Variants in DACH2 observed in about 807,000 individuals in gnomAD.
DACH2 encodes the protein dachshund homolog 2.
Under a neutral mutation model 35.8 loss-of-function variants are expected in DACH2, and 17 were observed. The ratio of observed to expected loss-of-function variants is 0.48; its 90% CI spans 0.33 to 0.71. The LOEUF (loss-of-function observed/expected upper bound fraction) is 0.71. Among genes scored for constraint, DACH2 ranks in the 30% least tolerant of loss-of-function variants. The pLI is 0.02. For synonymous variants in DACH2, 195 were observed against 177.3 expected (o/e 1.10, Z -0.79); for missense variants, 469 against 472.7 (o/e 0.99, Z 0.07).
intron 2 of DACH2, among the ~76,000 whole-genome samples, chrX:86,493,438 CT>C (rs1360063522): frequency 9.0e-6 from 1 of 111,398 alleles, no homozygotes; most frequent in Non-Finnish European, 1.9e-5. Context: ...ATTCAGTAAA[CT>C]ATACCAATTT....
intron 6 of DACH2, among the ~76,000 whole-genome samples, chrX:86,735,447 G>T (rs1343055675): frequency 9.0e-6 from 1 of 111,445 alleles, no homozygotes; most frequent in Non-Finnish European, 1.9e-5. Flanking sequence ...GATAAAATGG[G>T]CAACATTTTT....
chrX:86,632,526 A>ACACACG, intron 3 of DACH2, among the ~76,000 whole-genome samples: 1 of 107,132 alleles, frequency 9.3e-6, no homozygotes, highest in East Asian at 3.1e-4. Flanking sequence ...ACACACACAC[A>ACACACG]CGGGTTATTT....
chrX:86,258,534 T>C (rs946789064), intron 1 of DACH2, among the ~76,000 whole-genome samples: 4 of 111,719 alleles, frequency 3.6e-5, no homozygotes, highest in Admixed American at 1.9e-4. Context: ...TTATTATCTA[T>C]TGTATTTTCA....
chrX:86,155,021 T>G (rs2030495740), intron 1 of DACH2, among the ~76,000 whole-genome samples: 1 of 111,282 alleles, frequency 9.0e-6, no homozygotes, highest in Admixed American at 9.6e-5. Context: ...AGCCTAAATA[T>G]AGTGTAGCTG....
intron 3 of DACH2, among the ~76,000 whole-genome samples, chrX:86,644,436 G>A (rs1323611339): frequency 9.1e-6 from 1 of 109,452 alleles, no homozygotes; most frequent in Non-Finnish European, 1.9e-5. Context: ...ACAAATGGAT[G>A]GAAAAACATT....
intron 11 of DACH2, among the ~76,000 whole-genome samples, chrX:86,819,977 T>A (rs56771565): frequency 1.2e-4 from 13 of 111,132 alleles, no homozygotes; most frequent in South Asian, 7.4e-4. Flanking sequence ...TTCCTAAATT[T>A]AAAAAAAATG....
At chrX:86,418,107 T>G (rs2036740131) in intron 2 of DACH2, among the ~76,000 whole-genome samples, 1 of 112,303 alleles carries the variant, frequency 8.9e-6, no homozygotes, top group African/African-American at 3.2e-5. Context: ...AAAAGGTGGG[T>G]GCCCATGGTC....
chrX:86,818,624 C>A (rs1324265042), intron 11 of DACH2, among the ~76,000 whole-genome samples: 1 of 110,841 alleles, frequency 9.0e-6, no homozygotes, highest in African/African-American at 3.3e-5. Context: ...TCCCTTGAAA[C>A]CTGTTTTTTA....
At chrX:86,456,420 T>A (rs2148204069) in intron 2 of DACH2, among the ~76,000 whole-genome samples, 1 of 111,984 alleles carries the variant, frequency 8.9e-6, no homozygotes, top group African/African-American at 3.2e-5. Flanking sequence ...CTAATCCAAG[T>A]CCATTTTTGA....
In DACH2 at chrX:86,312,708, C is replaced by T. The variant is rs150038996; in HGVS notation, c.489-64116C>T. On this transcript the variant is annotated intron_variant, in intron 1 of 11. Transcript: ENST00000373125. ...ATTTTCTCCCTTGCTGGATGCTCCC[C>T]GCTCTTGAATATTGGACTCCAATTT... is the stretch of plus-strand genomic sequence containing the variant. 5.5e-3 allele frequency among the ~76,000 whole-genome samples: 614 copies of T among 111,806 alleles called. 6 individuals carry two copies. Among genetic ancestry groups the T allele is most frequent in the African/African-American group, 0.019 (583 of 30,822 alleles).
intron 2 of DACH2, among the ~76,000 whole-genome samples, chrX:86,464,401 C>G (rs1304106008): frequency 9.0e-6 from 1 of 111,208 alleles, no homozygotes; most frequent in African/African-American, 3.3e-5. Flanking sequence ...CCATGATTCT[C>G]AGCAAACTAA....
At chrX:86,824,607 G>A (rs2042545219) in intron 11 of DACH2, among the ~76,000 whole-genome samples, 1 of 112,135 alleles carries the variant, frequency 8.9e-6, no homozygotes. Flanking sequence ...ACTGATAAAT[G>A]TCCATGAAAT....
intron 1 of DACH2, among the ~76,000 whole-genome samples, chrX:86,210,261 T>A (rs1041572593): frequency 8.9e-6 from 1 of 111,865 alleles, no homozygotes; most frequent in Non-Finnish European, 1.9e-5. Context: ...AAATGCCCAT[T>A]TTGTTCAAAA....
chrX:86,399,557 G>T (rs940598315), intron 2 of DACH2, among the ~76,000 whole-genome samples: 1 of 111,884 alleles, frequency 8.9e-6, no homozygotes, highest in South Asian at 3.7e-4. Flanking sequence ...TCCTTCAGGA[G>T]CTCTTTTAGG....
chrX:86,752,081 G>A (rs2041779711), intron 7 of DACH2, among the ~76,000 whole-genome samples: 1 of 111,095 alleles, frequency 9.0e-6, no homozygotes, highest in African/African-American at 3.3e-5. Flanking sequence ...CAGGGGGTGG[G>A]CAGAAGAACA....
chrX:86,517,063 G>C (rs2038479734), intron 3 of DACH2, among the ~76,000 whole-genome samples: 1 of 110,950 alleles, frequency 9.0e-6, no homozygotes, highest in African/African-American at 3.3e-5. Context: ...TTTTCCTCAG[G>C]GTATATATAC....
chrX:86,789,130 T>A (rs2042165001), intron 7 of DACH2, among the ~76,000 whole-genome samples: 1 of 112,380 alleles, frequency 8.9e-6, no homozygotes, highest in Admixed American at 9.5e-5. Flanking sequence ...CTATGATTAC[T>A]GATTCATGAA....
intron 3 of DACH2, among the ~76,000 whole-genome samples, chrX:86,603,236 C>T (rs912087978): frequency 6.6e-4 from 73 of 110,755 alleles, no homozygotes; most frequent in African/African-American, 2.3e-3. Flanking sequence ...ATATTGGATT[C>T]GACCTCACCC....
chrX:86,270,044 T>A (rs1383806889), intron 1 of DACH2, among the ~76,000 whole-genome samples: 11 of 102,962 alleles, frequency 1.1e-4, no homozygotes, highest in African/African-American at 3.5e-4. Context: ...TATATATTTT[T>A]TTTTTTTCCT....
Sources: gnomAD v4.1 joint callset for allele counts (sites outside exome capture counted in the v4.1 genomes callset) on GRCh38, gnomAD v4.1.1 for gene constraint, MANE v1.5 for transcripts, NCBI Gene and HGNC (gene_info 2026-07-23, HGNC 2026-07-21) for gene names.